Variants in GRM1 observed in about 807,000 individuals in gnomAD.
GRM1 encodes the protein metabotropic glutamate receptor 1.
In GRM1, 33 loss-of-function variants were observed where a neutral mutation model predicts 90.9. The observed-to-expected ratio is 0.36, with a 90% CI of 0.28 to 0.49. GRM1 has a LOEUF of 0.49. GRM1 is among the 20% of genes least tolerant of loss of function. The probability of loss-of-function intolerance (pLI) is 0.99; values close to 1 mark genes in which losing one functional copy is unlikely to be tolerated. For synonymous variants in GRM1, 700 were observed against 613.2 expected (o/e 1.14, Z -2.09); for missense variants, 1,190 against 1,534.3 (o/e 0.78, Z 3.75).
At chr6:146,042,381 A>G (rs571473390) in intron 1 of GRM1, among the ~76,000 whole-genome samples, 1 of 152,122 alleles carries the variant, frequency 6.6e-6, no homozygotes, top group African/African-American at 2.4e-5. Context: ...TCTAAGTAAA[A>G]TAATCCTTTA....
At chr6:146,102,342 T>C (rs1777079875) in intron 1 of GRM1, among the ~76,000 whole-genome samples, 1 of 152,200 alleles carries the variant, frequency 6.6e-6, no homozygotes, top group African/African-American at 2.4e-5. Flanking sequence ...TATTGAATGG[T>C]AAACTATCTT....
intron 1 of GRM1, among the ~76,000 whole-genome samples, chr6:146,071,333 G>A (rs1776011309): frequency 6.6e-6 from 1 of 152,186 alleles, no homozygotes; most frequent in Non-Finnish European, 1.5e-5. Context: ...TTCTGTGGTA[G>A]AAGGAAGAGA....
At chr6:146,202,513 A>G (rs1241768371) in intron 2 of GRM1, among the ~76,000 whole-genome samples, 1 of 152,234 alleles carries the variant, frequency 6.6e-6, no homozygotes, top group Non-Finnish European at 1.5e-5. Flanking sequence ...GTTAACTTGA[A>G]TTAAATATCA....
chr6:146,173,319 G>A (rs1422703176), intron 2 of GRM1, among the ~76,000 whole-genome samples: 2 of 151,202 alleles, frequency 1.3e-5, no homozygotes, highest in Non-Finnish European at 2.9e-5. Flanking sequence ...GAACCCGGAA[G>A]GCAGAGGTTG....
intron 7 of GRM1, among the ~76,000 whole-genome samples, chr6:146,415,242 G>A (rs763922465): frequency 6.6e-6 from 1 of 151,970 alleles, no homozygotes; most frequent in African/African-American, 2.4e-5. Context: ...AACTCCCTGG[G>A]GTCTCTTTCA....
At chr6:146,241,797 T>A (rs1014086234) in intron 2 of GRM1, among the ~76,000 whole-genome samples, 1 of 152,144 alleles carries the variant, frequency 6.6e-6, no homozygotes, top group African/African-American at 2.4e-5. Context: ...AGATTTTATA[T>A]AGAGATTTTA....
chr6:146,129,268 T>C (rs531790766), intron 1 of GRM1, among the ~76,000 whole-genome samples: 5 of 152,304 alleles, frequency 3.3e-5, no homozygotes, highest in Admixed American at 6.5e-5. Context: ...ACAGCTTGCA[T>C]TATATAGAAG....
intron 1 of GRM1, among the ~76,000 whole-genome samples, chr6:146,132,986 A>G (rs1338559503): frequency 6.6e-6 from 1 of 152,206 alleles, no homozygotes; most frequent in African/African-American, 2.4e-5. Flanking sequence ...TTGTCTTTCT[A>G]TGTCCTCTGG....
chr6:146,416,714 T>C (rs1305191103), intron 7 of GRM1, among the ~76,000 whole-genome samples: 2 of 152,190 alleles, frequency 1.3e-5, no homozygotes, highest in Non-Finnish European at 2.9e-5. Context: ...CTGCTTCACC[T>C]GGTGCATCCT....
chr6:146,046,778 C>A (rs901645435), intron 1 of GRM1, among the ~76,000 whole-genome samples: 1 of 151,562 alleles, frequency 6.6e-6, no homozygotes, highest in African/African-American at 2.4e-5. Flanking sequence ...TTTATGTTTC[C>A]AAATTTTATG....
At chr6:146,257,219 T>C (rs1330987151) in intron 2 of GRM1, among the ~76,000 whole-genome samples, 1 of 152,184 alleles carries the variant, frequency 6.6e-6, no homozygotes, top group Non-Finnish European at 1.5e-5. Flanking sequence ...TAGGCATCCT[T>C]ATTTTAAAAT....
intron 2 of GRM1, among the ~76,000 whole-genome samples, chr6:146,239,167 A>G (rs9497500): frequency 0.21 from 31,341 of 152,156 alleles, 7,099 homozygotes; most frequent in African/African-American, 0.57. Flanking sequence ...TCATTTCAGA[A>G]CAAATAACAC....
chr6:146,070,245 T>G (rs546905446), intron 1 of GRM1, among the ~76,000 whole-genome samples: 15 of 152,252 alleles, frequency 9.9e-5, no homozygotes, highest in African/African-American at 3.4e-4. Flanking sequence ...TTTAAAAATA[T>G]CCAAGAAAGC....
At chr6:146,307,022 G>T (rs1444992592) in intron 3 of GRM1, among the ~76,000 whole-genome samples, 1 of 152,158 alleles carries the variant, frequency 6.6e-6, no homozygotes, top group Non-Finnish European at 1.5e-5. Flanking sequence ...CTTATGCTTA[G>T]ATCATTTATA....
intron 1 of GRM1, among the ~76,000 whole-genome samples, chr6:146,104,356 C>A (rs1317057771): frequency 1.3e-5 from 2 of 151,946 alleles, no homozygotes; most frequent in Admixed American, 1.3e-4. Flanking sequence ...AGGAGAATGA[C>A]GTGAACCTGG....
chr6:146,227,333 C>T (rs2114693509), intron 2 of GRM1, among the ~76,000 whole-genome samples: 1 of 152,112 alleles, frequency 6.6e-6, no homozygotes, highest in East Asian at 1.9e-4. Flanking sequence ...CACATCATCA[C>T]CTTAAGTCTG....
chr6:146,141,471 T>G (rs529543397), intron 1 of GRM1, among the ~76,000 whole-genome samples: 1 of 152,280 alleles, frequency 6.6e-6, no homozygotes, highest in East Asian at 1.9e-4. Context: ...GCGAAGAAAC[T>G]TTCTACACAT....
At chr6:146,196,310 C>T (rs537704594) in intron 2 of GRM1, among the ~76,000 whole-genome samples, 1 of 120,088 alleles carries the variant, frequency 8.3e-6, no homozygotes, top group African/African-American at 4.8e-5. Context: ...TTTTTTTTGA[C>T]GGAGTCGCTC....
intron 1 of GRM1, among the ~76,000 whole-genome samples, chr6:146,147,721 T>A (rs1777165296): frequency 6.6e-6 from 1 of 152,154 alleles, no homozygotes; most frequent in South Asian, 2.1e-4. Flanking sequence ...TTCCTTGTGT[T>A]GGAGAAGTGG....
Sources: gnomAD v4.1 joint callset for allele counts (sites outside exome capture counted in the v4.1 genomes callset) on GRCh38, gnomAD v4.1.1 for gene constraint, MANE v1.5 for transcripts, NCBI Gene and HGNC (gene_info 2026-07-23, HGNC 2026-07-21) for gene names.